The following BACH2 variants were observed in gnomAD, a reference collection of about 807,000 sequenced individuals.
BACH2 encodes BACH transcriptional regulator 2, also known as transcription regulator protein BACH2.
BACH2 carries 5 observed loss-of-function variants against 61.8 expected under a neutral mutation model. The ratio of observed to expected loss-of-function variants is 0.08; its 90% CI spans 0.04 to 0.17. BACH2 has a LOEUF of 0.17. Among genes scored for constraint, BACH2 ranks in the 10% least tolerant of loss-of-function variants. BACH2 has a pLI of 1.00. For missense variants in BACH2, 824 were observed against 1,091.1 expected, an observed-to-expected ratio of 0.76 and a Z score of 3.45; for synonymous variants, 446 against 440.1, an observed-to-expected ratio of 1.01 and a Z score of -0.17.
At chr6:90,202,238 G>A (rs942252189) in intron 4 of BACH2, among the ~76,000 whole-genome samples, 2 of 152,102 alleles carry the variant, frequency 1.3e-5, no homozygotes, top group Non-Finnish European at 2.9e-5. Flanking sequence ...AGAGAGGCAG[G>A]GATAATAAAG....
chr6:90,108,254 G>A (rs1783011234), intron 4 of BACH2, among the ~76,000 whole-genome samples: 2 of 152,054 alleles, frequency 1.3e-5, no homozygotes, highest in African/African-American at 4.8e-5. Context: ...GGAATGATTG[G>A]TATTAATTAT....
intron 1 of BACH2, among the ~76,000 whole-genome samples, chr6:90,296,172 T>A (rs1477942232): frequency 6.6e-6 from 1 of 151,998 alleles, no homozygotes; most frequent in Admixed American, 6.6e-5. Context: ...CTCCCTCTGC[T>A]GTTCCAAAAC....
At chr6:90,266,852 T>A (rs2127878656) in intron 2 of BACH2, among the ~76,000 whole-genome samples, 1 of 152,256 alleles carries the variant, frequency 6.6e-6, no homozygotes, top group African/African-American at 2.4e-5. Context: ...CACGGCACTG[T>A]AAATGTACTA....
intron 6 of BACH2, among the ~76,000 whole-genome samples, chr6:89,971,341 AC>A (rs1210505446): frequency 6.6e-6 from 1 of 152,226 alleles, no homozygotes; most frequent in African/African-American, 2.4e-5. Flanking sequence ...ACTGGTGGGC[AC>A]CTTTTCAATA....
intron 7 of BACH2, among the ~76,000 whole-genome samples, chr6:89,948,951 C>T (rs1047188256): frequency 3.9e-5 from 6 of 152,184 alleles, no homozygotes; most frequent in Non-Finnish European, 5.9e-5. Flanking sequence ...GGGCAGAAAC[C>T]AGGCTAGCAA....
chr6:90,100,698 C>T (rs906752071), intron 4 of BACH2, among the ~76,000 whole-genome samples: 5 of 130,708 alleles, frequency 3.8e-5, no homozygotes, highest in Admixed American at 7.7e-5. Context: ...CACACACACA[C>T]ACAGACACAC....
chr6:89,958,292 T>C (rs1200195421), intron 6 of BACH2, among the ~76,000 whole-genome samples: 1 of 152,232 alleles, frequency 6.6e-6, no homozygotes, highest in African/African-American at 2.4e-5. Flanking sequence ...TACTCATTTT[T>C]TCATTCTCCA....
At chr6:90,269,910 T>C (rs530490462) in intron 2 of BACH2, among the ~76,000 whole-genome samples, 1 of 152,318 alleles carries the variant, frequency 6.6e-6, no homozygotes, top group East Asian at 1.9e-4. Context: ...TCTGGTTACA[T>C]GGATAAGTTC....
chr6:90,094,153 G>A (rs6904699), intron 4 of BACH2, among the ~76,000 whole-genome samples: 48,849 of 152,066 alleles, frequency 0.32, 8,420 homozygotes, highest in East Asian at 0.7. Context: ...AGCAACAGCC[G>A]TAGAAAAAGT....
intron 4 of BACH2, among the ~76,000 whole-genome samples, chr6:90,122,329 G>T (rs1405628332): frequency 6.6e-6 from 1 of 152,106 alleles, no homozygotes; most frequent in Non-Finnish European, 1.5e-5. Flanking sequence ...GATCGAGTCA[G>T]TACAACACAA....
intron 4 of BACH2, among the ~76,000 whole-genome samples, chr6:90,163,361 A>G (rs1767471699): frequency 1.3e-5 from 2 of 152,072 alleles, no homozygotes; most frequent in Admixed American, 1.3e-4. Flanking sequence ...AGTGATAAGT[A>G]TTTACAACAC....
At chr6:90,053,709 C>A (rs114755207) in intron 5 of BACH2, among the ~76,000 whole-genome samples, 1 of 152,156 alleles carries the variant, frequency 6.6e-6, no homozygotes, top group African/African-American at 2.4e-5. Context: ...AATTTTAAGT[C>A]GAAAATCATT....
chr6:90,076,696 A>G (rs527301920), intron 5 of BACH2, among the ~76,000 whole-genome samples: 20 of 152,162 alleles, frequency 1.3e-4, no homozygotes, highest in African/African-American at 4.6e-4. Context: ...GTACTTGGTG[A>G]CAGTATCATT....
intron 6 of BACH2, among the ~76,000 whole-genome samples, chr6:89,997,563 C>T (rs4707586): frequency 0.35 from 52,862 of 152,066 alleles, 11,327 homozygotes; most frequent in East Asian, 0.66. Context: ...GTGCACACAT[C>T]AGAACGCCTC....
chr6:90,093,754 A>G (rs538167200), intron 4 of BACH2, among the ~76,000 whole-genome samples: 1 of 152,306 alleles, frequency 6.6e-6, no homozygotes, highest in Admixed American at 6.5e-5. Context: ...TAGGTGTCTC[A>G]GAACAATGGT....
chr6:90,027,331 CA>C, intron 5 of BACH2, among the ~76,000 whole-genome samples: 1 of 152,216 alleles, frequency 6.6e-6, no homozygotes, highest in Non-Finnish European at 1.5e-5. Flanking sequence ...TTATTGTGAC[CA>C]AAAGGTAGTG....
chr6:90,282,191 C>T (rs753447428), intron 1 of BACH2, among the ~76,000 whole-genome samples: 1 of 152,126 alleles, frequency 6.6e-6, no homozygotes, highest in Non-Finnish European at 1.5e-5. Flanking sequence ...GGGGTATGCA[C>T]ATGTACTGGT....
chr6:89,972,279 C>T (rs185859804), intron 6 of BACH2, among the ~76,000 whole-genome samples: 55 of 152,220 alleles, frequency 3.6e-4, no homozygotes, highest in Admixed American at 6.5e-4. Flanking sequence ...ACAAGCCAGA[C>T]GGGCGGCAAG....
chr6:90,060,770 T>C (rs574960774), intron 5 of BACH2, among the ~76,000 whole-genome samples: 5 of 152,294 alleles, frequency 3.3e-5, no homozygotes, highest in African/African-American at 9.6e-5. Context: ...TTGCTTTATC[T>C]GGAATTTAGT....
Sources: allele counts gnomAD v4.1 joint callset (sites outside exome capture counted in the v4.1 genomes callset), GRCh38; gene constraint gnomAD v4.1.1; transcripts MANE v1.5; gene names NCBI Gene and HGNC (gene_info 2026-07-23, HGNC 2026-07-21).